AUH: variants seen among roughly 807,000 people sequenced by gnomAD.
AUH encodes methylglutaconyl-CoA hydratase, mitochondrial.
In AUH, 29 loss-of-function variants were observed where a neutral mutation model predicts 42.3. The ratio of observed to expected loss-of-function variants is 0.69; its 90% CI spans 0.51 to 0.93. The LOEUF (loss-of-function observed/expected upper bound fraction) is 0.93, where lower values mean the gene tolerates loss of function less well. Ranked by LOEUF, AUH falls within the 40% of genes least tolerant of loss-of-function variation. The probability of loss-of-function intolerance (pLI) is 0.00; values close to 1 mark genes in which losing one functional copy is unlikely to be tolerated. For missense variants in AUH, 452 were observed against 438.1 expected (o/e 1.03, Z -0.28); for synonymous variants, 174 against 166.4 (o/e 1.05, Z -0.35).
At chr9:91,249,146 A>G (rs1828965623) in intron 6 of AUH, among the ~76,000 whole-genome samples, 1 of 151,518 alleles carries the variant, frequency 6.6e-6, no homozygotes, top group Non-Finnish European at 1.5e-5. Flanking sequence ...AAAATACAAA[A>G]ATTAGCCAGG....
chr9:91,320,302 T>C (rs1829470675), intron 4 of AUH, among the ~76,000 whole-genome samples: 1 of 152,212 alleles, frequency 6.6e-6, no homozygotes, highest in African/African-American at 2.4e-5. Context: ...AGAAAGACTC[T>C]GTACTTCTAT....
At chr9:91,346,939 T>C (rs938163122) in intron 3 of AUH, among the ~76,000 whole-genome samples, 4 of 151,930 alleles carry the variant, frequency 2.6e-5, no homozygotes, top group Non-Finnish European at 5.9e-5. Flanking sequence ...GGGCAAGGTA[T>C]GGGAAGAGGG....
intron 6 of AUH, among the ~76,000 whole-genome samples, chr9:91,279,026 T>C (rs1175982876): frequency 1.3e-5 from 2 of 152,226 alleles, no homozygotes; most frequent in African/African-American, 2.4e-5. Context: ...CTCTTCTTCA[T>C]TATCTTGGTT....
At chr9:91,280,960 T>C (rs933970262) in intron 6 of AUH, among the ~76,000 whole-genome samples, 1 of 152,328 alleles carries the variant, frequency 6.6e-6, no homozygotes, top group South Asian at 2.1e-4. Context: ...TTTTTAAAAG[T>C]CTTGAATTTT....
At chr9:91,266,593 A>C (rs980359183) in intron 6 of AUH, among the ~76,000 whole-genome samples, 3 of 152,180 alleles carry the variant, frequency 2.0e-5, no homozygotes, top group Non-Finnish European at 4.4e-5. Flanking sequence ...AATATCTAGA[A>C]ACCAGTTGAT....
intron 4 of AUH, among the ~76,000 whole-genome samples, chr9:91,311,245 C>T (rs1443584250): frequency 6.6e-6 from 1 of 152,060 alleles, no homozygotes; most frequent in Non-Finnish European, 1.5e-5. Context: ...TTCTATAAAA[C>T]CTTATAAATG....
intron 6 of AUH, among the ~76,000 whole-genome samples, chr9:91,261,741 C>T (rs1384128406): frequency 6.6e-6 from 1 of 152,164 alleles, no homozygotes; most frequent in Non-Finnish European, 1.5e-5. Flanking sequence ...TAGGACTTCC[C>T]TTAGTAGATT....
intron 3 of AUH, among the ~76,000 whole-genome samples, chr9:91,340,423 C>T (rs572739081): frequency 4.6e-5 from 7 of 152,228 alleles, no homozygotes; most frequent in Admixed American, 2.0e-4. Context: ...AATCATGTTG[C>T]CTTTTTCTTT....
chr9:91,270,320 C>G (rs1462699949), intron 6 of AUH, among the ~76,000 whole-genome samples: 1 of 152,116 alleles, frequency 6.6e-6, no homozygotes, highest in African/African-American at 2.4e-5. Flanking sequence ...TGTGGAAGAG[C>G]CCCAGGCTGC....
chr9:91,304,708 A>G (rs1385076716), intron 4 of AUH, among the ~76,000 whole-genome samples: 2 of 152,244 alleles, frequency 1.3e-5, no homozygotes, highest in East Asian at 3.8e-4. Context: ...TAATTAACAA[A>G]TTAGCATTGT....
chr9:91,309,874 T>C (rs1406207881), intron 4 of AUH, among the ~76,000 whole-genome samples: 3 of 152,230 alleles, frequency 2.0e-5, no homozygotes, highest in East Asian at 3.8e-4. Context: ...CTGGGTGGCC[T>C]TTCTCAATCT....
intron 3 of AUH, among the ~76,000 whole-genome samples, chr9:91,326,672 G>T (rs1283829214): frequency 6.6e-6 from 1 of 152,156 alleles, no homozygotes; most frequent in Non-Finnish European, 1.5e-5. Flanking sequence ...TTCAATTGGT[G>T]GTTATGGGGG....
chr9:91,219,937 T>G (rs1452429346), intron 7 of AUH, among the ~76,000 whole-genome samples: 1 of 152,244 alleles, frequency 6.6e-6, no homozygotes, highest in East Asian at 1.9e-4. Flanking sequence ...GAAACCTGTT[T>G]GAGTTAAGCA....
chr9:91,347,915 A>AT (rs1219634748), intron 3 of AUH, among the ~76,000 whole-genome samples: 1 of 152,002 alleles, frequency 6.6e-6, no homozygotes, highest in Non-Finnish European at 1.5e-5. Flanking sequence ...TTAAAGTATA[A>AT]TAAAAAAAAG....
intron 3 of AUH, among the ~76,000 whole-genome samples, chr9:91,341,633 A>G (rs1277759356): frequency 6.6e-6 from 1 of 152,242 alleles, no homozygotes; most frequent in Non-Finnish European, 1.5e-5. Context: ...CTTCCTCAAC[A>G]ACCAAAATGG....
At chr9:91,284,821 A>C (rs973915717) in intron 6 of AUH, among the ~76,000 whole-genome samples, 4 of 152,190 alleles carry the variant, frequency 2.6e-5, no homozygotes, top group Non-Finnish European at 4.4e-5. Context: ...CAGGTGCTGG[A>C]GAGGATGTGG....
Position 91,237,513 on chromosome 9 carries a change from T to G in AUH, c.656-16521A>C, listed in dbSNP as rs114172160. Among the ~76,000 whole-genome samples, 454 of 152,362 alleles carry G rather than the reference T, an allele frequency of 3.0e-3. 5 individuals carry two copies. Among genetic ancestry groups the G allele is most frequent in the African/African-American group, 0.01 (435 of 41,588 alleles). On this transcript the variant is annotated intron_variant, in intron 6 of 9. Coordinates refer to ENST00000375731, the MANE Select transcript of AUH (RefSeq NM_001698.3). The stretch of plus-strand genomic sequence containing the variant: ...TTTATAAGCGGTTGACTCTTTTCAT[T>G]TATTCACTAGTTTTCAAAATTACAA...
At chr9:91,325,173 TTAAG>T (rs1340955092) in intron 4 of AUH, 141 bp downstream of exon 4, 4 of 577,092 alleles carry the variant, frequency 6.9e-6, no homozygotes, top group African/African-American at 1.9e-5. Context: ...ATTAAATATA[TTAAG>T]TGTCACGTTA....
At chr9:91,285,207 A>G (rs971051679) in intron 6 of AUH, among the ~76,000 whole-genome samples, 1 of 152,062 alleles carries the variant, frequency 6.6e-6, no homozygotes, top group Non-Finnish European at 1.5e-5. Flanking sequence ...AACTATTGCA[A>G]GGACAAAAAA....
Sources: allele counts gnomAD v4.1 joint callset (sites outside exome capture counted in the v4.1 genomes callset), GRCh38; gene constraint gnomAD v4.1.1; transcripts MANE v1.5; gene names NCBI Gene and HGNC (gene_info 2026-07-23, HGNC 2026-07-21).